Variants in ANKLE1 observed in about 807,000 individuals in gnomAD.
ANKLE1 encodes ankyrin repeat and LEM domain containing 1, also known as structure-specific endonuclease ANKLE1.
Under a neutral mutation model 56.2 loss-of-function variants are expected in ANKLE1, and 59 were observed. The ratio of observed to expected loss-of-function variants is 1.05; its 90% confidence interval spans 0.85 to 1.30. ANKLE1 has a LOEUF of 1.30. ANKLE1 is among the 50% of genes most tolerant of loss of function. The probability of loss-of-function intolerance (pLI) is 0.00; values close to 1 mark genes in which losing one functional copy is unlikely to be tolerated. For missense variants in ANKLE1, 771 were observed against 816.1 expected, an observed-to-expected ratio of 0.94 and a Z score of 0.67; for synonymous variants, 341 against 352.9, an observed-to-expected ratio of 0.97 and a Z score of 0.38.
intron 4 of ANKLE1, 27 bp from the exon 5 acceptor site, chr19:17,283,198 C>A (rs1568340506): frequency 6.3e-7 from 1 of 1,587,406 alleles, no homozygotes; most frequent in South Asian, 1.1e-5. Flanking sequence ...TCCTCCTCTC[C>A]TCTCTGGCCC....
At chr19:17,286,047 C>A (rs554620748) in intron 8 of ANKLE1, among the ~76,000 whole-genome samples, 2 of 152,034 alleles carry the variant, frequency 1.3e-5, no homozygotes, top group Non-Finnish European at 2.9e-5. Context: ...GAGACTCTGT[C>A]GCCCAGGCTG....
Position 17,285,530 on chromosome 19 carries a change from G to C in ANKLE1, c.1476G>C (p.Arg492Ser). ...RAIFYVGKGT[R>S]ARPYVHLWEA... ...TCTTCTACGTGGGCAAAGGGACGAG[G>C]GCCCGGCCATATGTCCACCTCTGGG... The change falls in exon 7 of 9, where the codon AGG (arginine) becomes AGC (serine). Residue 492 changes from arginine to serine, a missense_variant. Coordinates refer to ENST00000404085, the MANE Select transcript of ANKLE1 (RefSeq NM_152363.6). The C allele has an allele frequency of 6.2e-7, 1 of 1,613,934 alleles. No individual in the cohort carries two copies. The highest frequency in any genetic ancestry group is 8.5e-7 in the Non-Finnish European group (1 of 1,179,896).
At position 17,283,353 on chromosome 19, in the gene ANKLE1, C is replaced by T; in HGVS notation, c.589C>T (p.Leu197Phe). ...DPGPPSLPVP[L>F]ETVDKHGSSA... Reference sequence around the variant, plus strand: ...AGGACCCCCCAGCCTCCCTGTTCCCCTTGAAACTGTGGACAAACATGGGAG... The same window carrying T: ...AGGACCCCCCAGCCTCCCTGTTCCCTTTGAAACTGTGGACAAACATGGGAG... The change falls in exon 5 of 9, where the codon CTT (leucine) becomes TTT (phenylalanine). Residue 197 changes from leucine to phenylalanine, a missense_variant. Coordinates refer to ENST00000404085, the MANE Select transcript of ANKLE1 (RefSeq NM_152363.6). The T allele has an allele frequency of 6.2e-7, 1 of 1,613,698 alleles. No homozygotes were observed. Among genetic ancestry groups the T allele is most frequent in the South Asian group, 1.1e-5 (1 of 91,080 alleles).
In ANKLE1 at chr19:17,286,726, G is replaced by GGCA; in HGVS notation, c.*176_*178dup. On this transcript the variant is annotated 3_prime_UTR_variant, in exon 9 of 9. Transcript: ENST00000404085. The stretch of plus-strand genomic sequence containing the variant: ...TGTGTGTGTGTGTAGGGAGCACCCA[G>GGCA]GCAGATCTCCCCCAGGCTGAGAGAG... 1 of 1,461,326 alleles carries GGCA rather than the reference G, an allele frequency of 6.8e-7. No individual in the cohort carries two copies. The highest frequency in any genetic ancestry group is 2.6e-5 in the East Asian group (1 of 38,838). 90.5% of individuals were successfully genotyped at this position (1,461,326 alleles called of 1,614,324 possible). A position where few individuals can be genotyped will look rare whatever the true frequency, so the allele number is the denominator to read the frequency against.
At chr19:17,284,066 C>T in intron 5 of ANKLE1, 23 bp from the exon 6 acceptor site, 1 of 1,610,940 alleles carries the variant, frequency 6.2e-7, no homozygotes, top group Non-Finnish European at 8.5e-7. Context: ...ATCATCCCTT[C>T]CTCCATCTCC....
chr19:17,283,870 G>A lies in ANKLE1; in HGVS notation c.1106G>A (p.Gly369Glu). 1 of 1,613,600 alleles carries A rather than the reference G, an allele frequency of 6.2e-7. No individual in the cohort carries two copies. Among genetic ancestry groups the A allele is most frequent in the South Asian group, 1.1e-5 (1 of 91,082 alleles). ...GTGTCTGACTTGGAGTTGCTGAAGGGACTCCGAGCACTTGGTGAGAATCCT... is the reference window on the plus strand; with the variant it reads ...GTGTCTGACTTGGAGTTGCTGAAGGAACTCCGAGCACTTGGTGAGAATCCT... ...STVSDLELLK[G>E]LRALGENPHP... Residue 369 changes from glycine (G) to glutamate (E), a missense_variant, in exon 5 of 9, where the codon GGA becomes GAA. Transcript: ENST00000404085.
chr19:17,283,138 C>T, intron 4 of ANKLE1, 87 bp from the exon 5 acceptor site: 2 of 1,550,476 alleles, frequency 1.3e-6, no homozygotes, highest in Non-Finnish European at 1.7e-6. Context: ...GCCTCAGACA[C>T]TCTGATCTCC....
Position 17,284,220 on chromosome 19 carries a change from GA to G in ANKLE1, c.1331del (p.Glu444GlyfsTer4), listed in dbSNP as rs2074007947. ...EQPDPARRWREGVVKSSFTYL... is the reference protein window; with the variant it reads ...EQPDPARRWRXGVVKSSFTYL... ...GCCAGATCCTGCCAGGAGGTGGCGG[GA>G]GGGGGTCGTGAAGTCTAGCTTCACC... On this transcript the variant is annotated frameshift_variant, in exon 6 of 9. Transcript: ENST00000404085. LOFTEE classifies it high-confidence loss of function. The G allele has an allele frequency of 6.2e-7, 1 of 1,613,892 alleles. No homozygotes were observed. Among genetic ancestry groups the G allele is most frequent in the Non-Finnish European group, 8.5e-7 (1 of 1,179,894 alleles).
In ANKLE1 at chr19:17,282,596, G is replaced by A. The variant is rs1599508051; in HGVS notation, c.216-60G>A. 1.6e-5 allele frequency: 23 copies of A among 1,468,212 alleles called. No individual in the cohort carries two copies. In the East Asian group the frequency reaches 5.4e-4, roughly 35 times the overall value. 90.9% of individuals were successfully genotyped at this position (1,468,212 alleles called of 1,614,324 possible). A position where few individuals can be genotyped will look rare whatever the true frequency, so the allele number is the denominator to read the frequency against. Reference sequence around the variant, plus strand: ...GAAGGCTCCAGGTCCCCAGAGCGGAGATCGGGGTTCCTGCCGGGAGGCTGA... The same window carrying A: ...GAAGGCTCCAGGTCCCCAGAGCGGAAATCGGGGTTCCTGCCGGGAGGCTGA... On this transcript the variant is annotated intron_variant, in intron 2 of 8. Transcript: ENST00000404085.
At position 17,283,878 on chromosome 19, in the gene ANKLE1, G is replaced by A. The variant is rs1422395731; in HGVS notation, c.1114G>A (p.Ala372Thr). The A allele has an allele frequency of 3.7e-6, 6 of 1,613,514 alleles. No individual in the cohort carries two copies. The African/African-American group carries it at 5.3e-5, about 14-fold the overall frequency. ...CTTGGAGTTGCTGAAGGGACTCCGA[G>A]CACTTGGTGAGAATCCTCACCCCAT... The part of the protein sequence containing the change: ...SDLELLKGLR[A>T]LGENPHPITP... The change falls in exon 5 of 9, where the codon GCA becomes ACA. Residue 372 changes from alanine (A) to threonine (T), a missense_variant. Coordinates refer to ENST00000404085, the MANE Select transcript of ANKLE1 (RefSeq NM_152363.6).
chr19:17,283,752 G>T lies in ANKLE1; in HGVS notation c.988G>T (p.Asp330Tyr). ...GGAGCACCAGACATCCATTGATAGT[G>T]ACATGGCCACGCTCTGGCTGACAGA... ...LWEHQTSIDSDMATLWLTEDE... is the reference protein window; with the variant it reads ...LWEHQTSIDSYMATLWLTEDE... The change falls in exon 5 of 9, where the codon GAC (aspartate) becomes TAC (tyrosine). Residue 330 changes from aspartate (D) to tyrosine (Y), a missense_variant. Transcript: ENST00000404085. 6.2e-7 allele frequency: 1 copy of T among 1,613,642 alleles called. No homozygotes were observed. The highest frequency in any genetic ancestry group is 1.6e-4 in the Middle Eastern group (1 of 6,062).
In ANKLE1 at chr19:17,286,390, G is replaced by T; in HGVS notation, c.1686G>T (p.Thr562=). 1.3e-6 allele frequency: 2 copies of T among 1,568,796 alleles called. No individual in the cohort carries two copies. The highest frequency in any genetic ancestry group is 1.7e-6 in the Non-Finnish European group (2 of 1,152,614). Residue 562 remains threonine (T), a synonymous_variant, in exon 9 of 9, where the codon ACG becomes ACT. Transcript: ENST00000404085. ...ACIVEALGIQ[T]LTNQKQGHCY... ...ATCCAATTTCTCCAGGGATCCAGACGCTCACCAACCAGAAGCAAGGGCACT... is the reference window on the plus strand; with the variant it reads ...ATCCAATTTCTCCAGGGATCCAGACTCTCACCAACCAGAAGCAAGGGCACT...
chr19:17,283,952 G>C lies in ANKLE1; in HGVS notation c.1188G>C (p.Gln396His). Residue 396 changes from glutamine to histidine, a missense_variant, in exon 5 of 9, where the codon CAG becomes CAC. By Grantham distance (24) the Gln-to-His change is conservative. Transcript: ENST00000404085. The part of the protein sequence containing the change: ...QLYHQQLEEA[Q>H]IAPGPEFSGH... ...ACCACCAGCAGCTGGAAGAAGCCCA[G>C]ATTGCTCCTGGTTAGTCTTCCCAGG... 2 of 1,604,202 alleles carry C rather than the reference G, an allele frequency of 1.2e-6. No homozygotes were observed. Among genetic ancestry groups the C allele is most frequent in the East Asian group, 2.2e-5 (1 of 44,716 alleles).
chr19:17,285,967 C>T, intron 8 of ANKLE1, 148 bp downstream of exon 8: 2 of 1,160,480 alleles, frequency 1.7e-6, no homozygotes, highest in Non-Finnish European at 2.4e-6. Flanking sequence ...GTATTTTGCT[C>T]CATTGGTTTA....
intron 2 of ANKLE1, 101 bp from the exon 3 acceptor site, chr19:17,282,555 C>G: frequency 8.1e-7 from 1 of 1,229,884 alleles, no homozygotes; most frequent in Admixed American, 2.0e-5. Context: ...CGGCGGAGAT[C>G]CGGGAGGCCG....
At position 17,282,626 on chromosome 19, in the gene ANKLE1, GCAATGACCCCTCTTGCGCTGC is replaced by G. The variant is rs1189349005; in HGVS notation, c.216-28_216-8del. 75 of 1,528,208 alleles carry G rather than the reference GCAATGACCCCTCTTGCGCTGC, an allele frequency of 4.9e-5. No homozygotes were observed. Among genetic ancestry groups the G allele is most frequent in the Non-Finnish European group, 6.2e-5 (71 of 1,141,574 alleles). 94.7% of individuals were successfully genotyped at this position (1,528,208 alleles called of 1,614,324 possible). Reference sequence around the variant, plus strand: ...GGGTTCCTGCCGGGAGGCTGAGTCCGCAATGACCCCTCTTGCGCTGCCGCCCCAGATCTGTCGAGGCACTGA... The same window carrying G: ...GGGTTCCTGCCGGGAGGCTGAGTCCGCGCCCCAGATCTGTCGAGGCACTGA... On this transcript the variant is annotated splice_polypyrimidine_tract_variant and intron_variant, in intron 2 of 8. Coordinates refer to ENST00000404085, the MANE Select transcript of ANKLE1 (RefSeq NM_152363.6).
At chr19:17,285,053 A>T (rs2074016618) in intron 6 of ANKLE1, among the ~76,000 whole-genome samples, 3 of 151,886 alleles carry the variant, frequency 2.0e-5, no homozygotes, top group Non-Finnish European at 4.4e-5. Context: ...TGAGGTCAGC[A>T]GTTAGAGACC....
At chr19:17,283,984 G>A in intron 5 of ANKLE1, 22 bp downstream of exon 5, 1 of 1,591,928 alleles carries the variant, frequency 6.3e-7, no homozygotes, top group Non-Finnish European at 8.6e-7. Context: ...CAGGGCACAT[G>A]GAGTCCAGGG....
In ANKLE1 at chr19:17,285,553, G is replaced by A; in HGVS notation, c.1499G>A (p.Trp500Ter). The A allele has an allele frequency of 3.7e-6, 6 of 1,613,922 alleles. No homozygotes were observed. Among genetic ancestry groups the A allele is most frequent in the Non-Finnish European group, 5.1e-6 (6 of 1,179,886 alleles). Residue 500 changes from tryptophan (W) to a stop codon, truncating the protein, a stop_gained, in exon 7 of 9, where the codon TGG becomes TAG. Coordinates refer to ENST00000404085, the MANE Select transcript of ANKLE1 (RefSeq NM_152363.6). LOFTEE classifies it high-confidence loss of function. ...AGGGCCCGGCCATATGTCCACCTCTGGGAGGCCCTTGGTCACCATGGGCGG... is the reference window on the plus strand; with the variant it reads ...AGGGCCCGGCCATATGTCCACCTCTAGGAGGCCCTTGGTCACCATGGGCGG... ...GTRARPYVHL[W>*]EALGHHGRSR... is the part of the protein sequence containing the mutation.
Sources: allele counts gnomAD v4.1 joint callset (sites outside exome capture counted in the v4.1 genomes callset), GRCh38; gene constraint gnomAD v4.1.1; transcripts MANE v1.5; gene names NCBI Gene and HGNC (gene_info 2026-07-23, HGNC 2026-07-21).